CALHM4: variants seen among roughly 807,000 people sequenced by gnomAD.
The protein encoded by CALHM4 is calcium homeostasis modulator family member 4.
A neutral mutation model predicts 13.3 loss-of-function variants in CALHM4; 16 were observed. That is an observed-to-expected ratio of 1.20 (90% CI 0.81 to 1.82). The LOEUF (loss-of-function observed/expected upper bound fraction) is 1.82. Among genes scored for constraint, CALHM4 ranks in the 40% most tolerant of loss-of-function variants. CALHM4 has a pLI of 0.00. For synonymous variants in CALHM4, 127 were observed against 137.1 expected (o/e 0.93, Z 0.52); for missense variants, 344 against 374.9 (o/e 0.92, Z 0.68).
At chr6:116,531,900 AT>A (rs1250591609) in intron 1 of CALHM4, among the ~76,000 whole-genome samples, 6 of 149,976 alleles carry the variant, frequency 4.0e-5, no homozygotes, top group Admixed American at 2.7e-4. Flanking sequence ...TAATTTTAAA[AT>A]ATAATATAAT....
At chr6:116,534,170 C>T (rs1772928068) in intron 1 of CALHM4, among the ~76,000 whole-genome samples, 1 of 152,000 alleles carries the variant, frequency 6.6e-6, no homozygotes, top group Non-Finnish European at 1.5e-5. Flanking sequence ...GTTTTATATT[C>T]AACCTTTCAT....
intron 1 of CALHM4, among the ~76,000 whole-genome samples, chr6:116,542,561 T>A (rs909413129): frequency 1.3e-5 from 2 of 152,074 alleles, no homozygotes; most frequent in Non-Finnish European, 2.9e-5. Flanking sequence ...TCTTCAGAGT[T>A]TATAATTAAA....
At chr6:116,543,249 C>T in intron 1 of CALHM4, 1 of 1,322,028 alleles carries the variant, frequency 7.6e-7, no homozygotes, top group Non-Finnish European at 1.1e-6. Context: ...AGAAAGAATG[C>T]AGGTGATGTA....
upstream of CALHM4, among the ~76,000 whole-genome samples, chr6:116,552,996 C>T (rs1405005135): frequency 6.6e-6 from 1 of 152,182 alleles, no homozygotes; most frequent in Non-Finnish European, 1.5e-5. Context: ...ATGGCGTGAA[C>T]CCGGGAGGCG....
Position 116,557,181 on chromosome 6 carries a change from G to A in CALHM4, c.559-644G>A, listed in dbSNP as rs377307399. Among the ~76,000 whole-genome samples, 22 of 152,044 alleles carry A rather than the reference G, an allele frequency of 1.4e-4. No individual in the cohort carries two copies. In the East Asian group the frequency reaches 3.3e-3, roughly 23 times the overall value. The stretch of plus-strand genomic sequence containing the variant: ...TCAAACTCCTGGCCTCAAGTGATCC[G>A]CCTGCCTGACCTCCCAAAGTACTGA... On this transcript the variant is annotated intron_variant, in intron 1 of 1. Transcript: ENST00000368596.
rs904068260 is a variant in CALHM4, at chr6:116,560,332, G to A, written c.*2121G>A. 6.6e-6 allele frequency among the ~76,000 whole-genome samples: 1 copy of A among 152,108 alleles called. No individual in the cohort carries two copies. The highest frequency in any genetic ancestry group is 2.4e-5 in the African/African-American group (1 of 41,428). ...AAATCAAAGAATATTTGAAGTTATA[G>A]CATTACATCATCAGAAAGAAGATTA... is the stretch of plus-strand genomic sequence containing the variant. On this transcript the variant is annotated 3_prime_UTR_variant, in exon 2 of 2. Coordinates refer to ENST00000368596, the MANE Select transcript of CALHM4 (RefSeq NM_001366078.2).
rs562272395 is a variant in CALHM4, at chr6:116,559,814, T to A, written c.*1603T>A. On this transcript the variant is annotated 3_prime_UTR_variant, in exon 2 of 2. Coordinates refer to ENST00000368596, the MANE Select transcript of CALHM4 (RefSeq NM_001366078.2). ...ATATATACAGGTCAATATGCATACA[T>A]CTTTCTGAAATGGTAGTAGACCCAC... Among the ~76,000 whole-genome samples the A allele has an allele frequency of 6.6e-6, 1 of 152,328 alleles. No homozygotes were observed. The highest frequency in any genetic ancestry group is 1.5e-5 in the Non-Finnish European group (1 of 68,018).
chr6:116,550,305 G>T (rs989401077), upstream of CALHM4, among the ~76,000 whole-genome samples: 2 of 151,924 alleles, frequency 1.3e-5, no homozygotes, highest in Non-Finnish European at 2.9e-5. Context: ...CAGTGACTTT[G>T]TAGGTAAAGT....
At chr6:116,546,839 G>A (rs1773809738) in intron 2 of CALHM4, among the ~76,000 whole-genome samples, 1 of 152,176 alleles carries the variant, frequency 6.6e-6, no homozygotes, top group Non-Finnish European at 1.5e-5. Context: ...ATGACACTAT[G>A]ATCTCAGGAA....
chr6:116,554,775 C>G (rs1448096638), intron 1 of CALHM4, among the ~76,000 whole-genome samples: 1 of 151,972 alleles, frequency 6.6e-6, no homozygotes, highest in Non-Finnish European at 1.5e-5. Flanking sequence ...CTTAAATATG[C>G]ATTCTTATAT....
At chr6:116,548,509 A>G (rs1470034313) in intron 2 of CALHM4, among the ~76,000 whole-genome samples, 1 of 152,204 alleles carries the variant, frequency 6.6e-6, no homozygotes, top group African/African-American at 2.4e-5. Flanking sequence ...TATCATCTAC[A>G]AACTCCTTTA....
At chr6:116,544,151 A>AAG (rs141606346) in intron 2 of CALHM4, among the ~76,000 whole-genome samples, 6,817 of 132,934 alleles carry the variant, frequency 0.051, 331 homozygotes, top group African/African-American at 0.13. Flanking sequence ...AAAGGTGAAG[A>AAG]AGAGAGAGAG....
intron 1 of CALHM4, among the ~76,000 whole-genome samples, chr6:116,530,681 C>A (rs576326956): frequency 6.6e-6 from 1 of 152,098 alleles, no homozygotes; most frequent in South Asian, 2.1e-4. Context: ...CTTCCAAGTG[C>A]AGAGTCATTT....
chr6:116,561,015 C>T lies in CALHM4; in HGVS notation c.*2804C>T, dbSNP rs73769133. 0.014 allele frequency among the ~76,000 whole-genome samples: 2,123 copies of T among 152,216 alleles called. 48 individuals are homozygous for T. The highest frequency in any genetic ancestry group is 0.049 in the African/African-American group (2,045 of 41,522). On this transcript the variant is annotated 3_prime_UTR_variant, in exon 2 of 2. Coordinates refer to ENST00000368596, the MANE Select transcript of CALHM4 (RefSeq NM_001366078.2). ...GTTTTCCAAAGCTGAATTGTAGAAC[C>T]GCATTTATACTCTGTCCTTCTCTGT...
At position 116,558,059 on chromosome 6, in the gene CALHM4, C is replaced by A. The variant is rs145628712; in HGVS notation, c.793C>A (p.Arg265Ser). Residue 265 changes from arginine to serine, a missense_variant, in exon 2 of 2, where the codon CGC becomes AGC. Coordinates refer to ENST00000368596, the MANE Select transcript of CALHM4 (RefSeq NM_001366078.2). ...CGGGAGTGAAGACGTCAAACACATC[C>A]GCATTCCTTCTTGTCAGGACTGGAA... ...IPGSEDVKHI[R>S]IPSCQDWKDI... 2 of 1,614,018 alleles carry A rather than the reference C, an allele frequency of 1.2e-6. No individual in the cohort carries two copies. The highest frequency in any genetic ancestry group is 3.3e-5 in the Admixed American group (2 of 60,012).
rs748525039 is a variant in CALHM4, at chr6:116,558,710, T to A, written c.*499T>A. ...CTGGTTTTATCAGTTTCTACCTTTA[T>A]ATAATGTCCAGAACTTTTCACAGCC... On this transcript the variant is annotated 3_prime_UTR_variant, in exon 2 of 2. Coordinates refer to ENST00000368596, the MANE Select transcript of CALHM4 (RefSeq NM_001366078.2). The A allele has an allele frequency of 6.5e-6, 1 of 153,052 alleles. No individual in the cohort carries two copies. The highest frequency in any genetic ancestry group is 2.4e-5 in the African/African-American group (1 of 41,454). The allele number at this position is 153,052 out of a possible 1,614,324, so 9.5% of individuals were successfully genotyped here.
intron 2 of CALHM4, among the ~76,000 whole-genome samples, chr6:116,544,179 G>GAGAGAGAGAGAT: frequency 6.6e-6 from 1 of 151,266 alleles, no homozygotes; most frequent in Non-Finnish European, 1.5e-5. Context: ...GAGAGAGAGA[G>GAGAGAGAGAGAT]AGAATGATGA....
intron 1 of CALHM4, among the ~76,000 whole-genome samples, chr6:116,533,297 G>A (rs1249803147): frequency 6.6e-6 from 1 of 152,214 alleles, no homozygotes; most frequent in African/African-American, 2.4e-5. Flanking sequence ...AAAAGAGGTA[G>A]TGGTTGTATT....
chr6:116,539,444 T>C (rs1442911166), intron 1 of CALHM4, among the ~76,000 whole-genome samples: 1 of 152,190 alleles, frequency 6.6e-6, no homozygotes, highest in East Asian at 1.9e-4. Context: ...GTATTTTTAA[T>C]GTAGAATTTT....
Sources: allele counts gnomAD v4.1 joint callset (sites outside exome capture counted in the v4.1 genomes callset), GRCh38; gene constraint gnomAD v4.1.1; transcripts MANE v1.5; gene names NCBI Gene and HGNC (gene_info 2026-07-23, HGNC 2026-07-21).